UNC5A: variants seen among roughly 807,000 people sequenced by gnomAD.
The protein encoded by UNC5A is unc-5 netrin receptor A, also known as netrin receptor UNC5A.
UNC5A carries 20 observed loss-of-function variants against 87.4 expected under a neutral mutation model. That is an observed-to-expected ratio of 0.23 (90% CI 0.16 to 0.33). The LOEUF (loss-of-function observed/expected upper bound fraction) is 0.33, where lower values mean the gene tolerates loss of function less well. Ranked by LOEUF, UNC5A falls within the 10% of genes least tolerant of loss-of-function variation. The pLI is 1.00. For synonymous variants in UNC5A, 438 were observed against 482.3 expected, an observed-to-expected ratio of 0.91 and a Z score of 1.20; for missense variants, 844 against 1,133.4, an observed-to-expected ratio of 0.74 and a Z score of 3.67.
In UNC5A at chr5:176,879,253, G is replaced by A. The variant is rs147898398; in HGVS notation, c.2185-57G>A. ...GGGAGCTCCCCCAGCAGGAGGTGGC[G>A]GTGGACCCGGGCCTGGGGAAAGTTC... On this transcript the variant is annotated intron_variant, in intron 13 of 14. Coordinates refer to ENST00000329542, the MANE Select transcript of UNC5A (RefSeq NM_133369.3). 121 of 1,511,858 alleles carry A rather than the reference G, an allele frequency of 8.0e-5. 1 individual carries two copies. The African/African-American group carries it at 1.4e-3, about 17-fold the overall frequency. 93.7% of individuals were successfully genotyped at this position (1,511,858 alleles called of 1,614,324 possible). A position where few individuals can be genotyped will look rare whatever the true frequency, so the allele number is the denominator to read the frequency against.
intron 8 of UNC5A, among the ~76,000 whole-genome samples, chr5:176,876,102 T>C (rs1001843083): frequency 2.6e-5 from 4 of 152,332 alleles, no homozygotes; most frequent in Middle Eastern, 3.4e-3. Flanking sequence ...AAGAACTTCA[T>C]GAGAGTGGGG....
At chr5:176,825,700 A>G (rs958177268) in intron 1 of UNC5A, among the ~76,000 whole-genome samples, 2 of 152,182 alleles carry the variant, frequency 1.3e-5, no homozygotes, top group African/African-American at 4.8e-5. Context: ...CACATCCCAC[A>G]GCTACCATGG....
chr5:176,826,899 A>G (rs1030374015), intron 1 of UNC5A, among the ~76,000 whole-genome samples: 3 of 152,030 alleles, frequency 2.0e-5, no homozygotes, highest in African/African-American at 7.2e-5. Flanking sequence ...TCGGCCTCCC[A>G]AAGTGCTGGG....
rs773606697 is a variant in UNC5A at position 176,874,550 on chromosome 5, G to A, written c.1362G>A (p.Leu454=). 9 of 1,570,074 alleles carry A rather than the reference G, an allele frequency of 5.7e-6. No individual in the cohort carries two copies. The highest frequency in any genetic ancestry group is 7.8e-6 in the Non-Finnish European group (9 of 1,154,584). Residue 454 remains leucine (L), a synonymous_variant, in exon 8 of 15, where the codon CTG becomes CTA. Transcript: ENST00000329542. This position sits in a 1 kb window ranked among gnomAD's most constrained non-coding sequence, Gnocchi z 7.6. The stretch of plus-strand genomic sequence containing the variant: ...CCTTCAACTTCCTCGGGGGCCGGCT[G>A]ATGATCCCTAATACAGGTAGGAAGG... ...YGTFNFLGGR[L]MIPNTGISLL... is the part of the protein sequence containing the mutation.
rs538460838 is a variant in UNC5A at position 176,824,312 on chromosome 5, T to C, written c.70+13492T>C. ...GGCTGTCCCAGTGGCCCCGAGGCCC[T>C]GAGGCTCTGGTCCCTGCAGCTTTTC... On this transcript the variant is annotated intron_variant, in intron 1 of 14. Coordinates refer to ENST00000329542, the MANE Select transcript of UNC5A (RefSeq NM_133369.3). The surrounding 1 kb of genome is among the most constrained non-coding windows in gnomAD (Gnocchi z 4.2). Among the ~76,000 whole-genome samples the C allele has an allele frequency of 6.6e-6, 1 of 152,158 alleles. No homozygotes were observed. The highest frequency in any genetic ancestry group is 6.5e-5 in the Admixed American group (1 of 15,276).
In UNC5A at chr5:176,879,875, G is replaced by A; in HGVS notation, c.2518G>A (p.Ala840Thr). Reference sequence around the variant, plus strand: ...CGCTGGCCTCTTCACAGTGTCGGAGGCTGAGTGCTGAGGCCGGCCAGGCCC... The same window carrying A: ...CGCTGGCCTCTTCACAGTGTCGGAGACTGAGTGCTGAGGCCGGCCAGGCCC... ...PDAGLFTVSEAEC is the reference protein window; with the variant it reads ...PDAGLFTVSETEC The change falls in exon 15 of 15, where the codon GCT becomes ACT. Residue 840 changes from alanine to threonine, a missense_variant. Ala to Thr is a moderately conservative substitution (Grantham distance 58). Transcript: ENST00000329542. The A allele has an allele frequency of 1.2e-6, 2 of 1,611,090 alleles. No homozygotes were observed. The highest frequency in any genetic ancestry group is 1.7e-6 in the Non-Finnish European group (2 of 1,179,392).
At chr5:176,815,273 G>A (rs1184483945) in intron 1 of UNC5A, among the ~76,000 whole-genome samples, 1 of 152,192 alleles carries the variant, frequency 6.6e-6, no homozygotes. Flanking sequence ...GCCCAACCAC[G>A]CTCAGACAGG....
In UNC5A at chr5:176,810,836, C is replaced by G. The variant is rs1756432592; in HGVS notation, c.70+16C>G. 1 of 1,222,388 alleles carries G rather than the reference C, an allele frequency of 8.2e-7. No individual in the cohort carries two copies. The highest frequency in any genetic ancestry group is 1.0e-6 in the Non-Finnish European group (1 of 981,682). 75.7% of individuals were successfully genotyped at this position (1,222,388 alleles called of 1,614,324 possible). A position where few individuals can be genotyped will look rare whatever the true frequency, so the allele number is the denominator to read the frequency against. On this transcript the variant is annotated intron_variant, in intron 1 of 14. Transcript: ENST00000329542. The surrounding 1 kb of genome is among the most constrained non-coding windows in gnomAD (Gnocchi z 7.3). ...CGCGGCTCGGGTGAGTCACGCCGCGCGCGCTCTGGGGAGGCTTGCGGGGGA... is the reference window on the plus strand; with the variant it reads ...CGCGGCTCGGGTGAGTCACGCCGCGGGCGCTCTGGGGAGGCTTGCGGGGGA...
At chr5:176,816,398 G>A (rs1487468460) in intron 1 of UNC5A, among the ~76,000 whole-genome samples, 1 of 152,286 alleles carries the variant, frequency 6.6e-6, no homozygotes, top group Non-Finnish European at 1.5e-5. Context: ...AGGGCGTCCA[G>A]AAGGTCAGGG....
intron 1 of UNC5A, among the ~76,000 whole-genome samples, chr5:176,837,879 C>A (rs1168505368): frequency 6.6e-6 from 1 of 152,172 alleles, no homozygotes; most frequent in South Asian, 2.1e-4. Context: ...TGTCCCTCTG[C>A]GGACTCGGCT....
chr5:176,819,509 C>T (rs1286882678), intron 1 of UNC5A, among the ~76,000 whole-genome samples: 2 of 152,250 alleles, frequency 1.3e-5, no homozygotes, highest in Admixed American at 6.5e-5. Context: ...CTTGGGGATT[C>T]GGCACCACTC....
chr5:176,830,374 G>A (rs1756968161), intron 1 of UNC5A, among the ~76,000 whole-genome samples: 1 of 150,824 alleles, frequency 6.6e-6, no homozygotes, highest in South Asian at 2.1e-4. Context: ...GCATGTGTGT[G>A]TGTGTTGTGC....
At chr5:176,876,079 C>T (rs1758255789) in intron 8 of UNC5A, among the ~76,000 whole-genome samples, 1 of 152,242 alleles carries the variant, frequency 6.6e-6, no homozygotes, top group South Asian at 2.1e-4. Flanking sequence ...TTGTCCTTCT[C>T]CCCTGCTGGG....
intron 1 of UNC5A, among the ~76,000 whole-genome samples, chr5:176,860,936 A>G (rs1398385316): frequency 1.3e-5 from 2 of 152,064 alleles, no homozygotes; most frequent in Non-Finnish European, 2.9e-5. Flanking sequence ...AGAGAGTGAG[A>G]GGAGGGGCAG....
intron 1 of UNC5A, among the ~76,000 whole-genome samples, chr5:176,825,898 A>T (rs556169805): frequency 6.6e-6 from 1 of 152,312 alleles, no homozygotes; most frequent in East Asian, 1.9e-4. Flanking sequence ...GGTGCCACAG[A>T]TGAGCATGAG....
chr5:176,830,637 CTGGCGTGTGCATTTGTGTGTGT>C (rs1756983639), intron 1 of UNC5A, among the ~76,000 whole-genome samples: 1 of 93,450 alleles, frequency 1.1e-5, no homozygotes, highest in Admixed American at 1.2e-4. Context: ...TGTGTGTGCG[CTGGCGTGTGCATTTGTGTGTGT>C]GTGCTGGTGT....
At chr5:176,854,864 G>A (rs988513602) in intron 1 of UNC5A, among the ~76,000 whole-genome samples, 1 of 152,238 alleles carries the variant, frequency 6.6e-6, no homozygotes, top group African/African-American at 2.4e-5. Flanking sequence ...GATATTCAAG[G>A]CACTGGGGTG....
chr5:176,837,799 T>G (rs115659273), intron 1 of UNC5A, among the ~76,000 whole-genome samples: 2,923 of 151,256 alleles, frequency 0.019, 44 homozygotes, highest in Middle Eastern at 0.11. Context: ...CCCCAGGCGC[T>G]CCACAGATAG....
chr5:176,836,530 A>G (rs1757151398), intron 1 of UNC5A, among the ~76,000 whole-genome samples: 1 of 152,132 alleles, frequency 6.6e-6, no homozygotes, highest in Non-Finnish European at 1.5e-5. Context: ...GTTCAGTGCC[A>G]CCGTGAGTGG....
Sources: gnomAD v4.1 joint callset for allele counts (sites outside exome capture counted in the v4.1 genomes callset) on GRCh38, gnomAD v4.1.1 for gene constraint, Gnocchi (gnomAD v3.1) non-coding constraint, MANE v1.5 for transcripts, NCBI Gene and HGNC (gene_info 2026-07-23, HGNC 2026-07-21) for gene names.